Variants in SMARCAL1 observed in about 807,000 individuals in gnomAD.
SMARCAL1 encodes the protein SNF2 related chromatin remodeling annealing helicase 1, also known as ATP-driven annealing helicase.
A neutral mutation model predicts 94.5 loss-of-function variants in SMARCAL1; 58 were observed. The observed-to-expected ratio is 0.61, with a 90% CI of 0.50 to 0.76. SMARCAL1 has a LOEUF of 0.76. SMARCAL1 is among the 30% of genes least tolerant of loss of function. SMARCAL1 has a pLI of 0.00. For missense variants in SMARCAL1, 1,051 were observed against 1,177.9 expected, an observed-to-expected ratio of 0.89 and a Z score of 1.58; for synonymous variants, 422 against 455.1, an observed-to-expected ratio of 0.93 and a Z score of 0.93.
At chr2:216,419,281 GA>G (rs1693663891) in intron 4 of SMARCAL1, among the ~76,000 whole-genome samples, 1 of 152,178 alleles carries the variant, frequency 6.6e-6, no homozygotes, top group Non-Finnish European at 1.5e-5. Flanking sequence ...GATTATTTGT[GA>G]AGGTGAACAT....
rs1049571642 is a variant in SMARCAL1, at chr2:216,416,067, C to T, written c.812-190C>T. ...ACTTCCCAGGGCCTGAGTTGGATTC[C>T]ACTACATGGAATAAAAGAATTATCT... On this transcript the variant is annotated intron_variant, in intron 3 of 17. Transcript: ENST00000357276. 8.7e-6 allele frequency: 5 copies of T among 577,076 alleles called. No homozygotes were observed. The Admixed American group carries it at 1.2e-4, about 14-fold the overall frequency. 35.7% of individuals were successfully genotyped at this position (577,076 alleles called of 1,614,324 possible). A position where few individuals can be genotyped will look rare whatever the true frequency, so the allele number is the denominator to read the frequency against.
rs949949010 is a variant in SMARCAL1 at position 216,482,521 on chromosome 2, A to G, written c.2626-217A>G. Among the ~76,000 whole-genome samples the G allele has an allele frequency of 3.3e-5, 5 of 152,198 alleles. No homozygotes were observed. The highest frequency in any genetic ancestry group is 7.4e-5 in the Non-Finnish European group (5 of 68,026). ...ACAACCATTTCTTTTTCCTAACTCA[A>G]TGAGCACAGAGAGGGTAAGATGTCA... On this transcript the variant is annotated intron_variant, in intron 17 of 17. Coordinates refer to ENST00000357276, the MANE Select transcript of SMARCAL1 (RefSeq NM_014140.4). The surrounding 1 kb of genome is among the most constrained non-coding windows in gnomAD (Gnocchi z 4.3).
intron 17 of SMARCAL1, 115 bp downstream of exon 17, chr2:216,478,414 C>A: frequency 1.4e-6 from 1 of 705,632 alleles, no homozygotes; most frequent in Non-Finnish European, 2.4e-6. Context: ...CCTCCCCCAG[C>A]CTAGAGCTGA....
intron 12 of SMARCAL1, among the ~76,000 whole-genome samples, chr2:216,452,837 A>G (rs1046497633): frequency 6.6e-6 from 1 of 152,232 alleles, no homozygotes; most frequent in Non-Finnish European, 1.5e-5. Flanking sequence ...CTCTTTTCAA[A>G]GATGATTTCA....
rs190386780 is a variant in SMARCAL1, at chr2:216,482,753, A to C, written c.2641A>C (p.Lys881Gln). 528 of 1,614,232 alleles carry C rather than the reference A, an allele frequency of 3.3e-4. No homozygotes were observed. Among genetic ancestry groups the C allele is most frequent in the East Asian group, 1.9e-3 (87 of 44,886 alleles). Residue 881 changes from lysine (K) to glutamine (Q), a missense_variant, in exon 18 of 18, where the codon AAG (lysine) becomes CAG (glutamine). By Grantham distance (53) the Lys-to-Gln change is moderately conservative. This residue lies in a region of SMARCAL1 where 642 missense variants were observed against 754.7 expected (regional missense o/e 0.85). Coordinates refer to ENST00000357276, the MANE Select transcript of SMARCAL1 (RefSeq NM_014140.4). This position sits in a 1 kb window ranked among gnomAD's most constrained non-coding sequence, Gnocchi z 4.3. Reference protein sequence around the residue: ...DYLYKDPKQQKIYDLFQKSFE... With the variant: ...DYLYKDPKQQQIYDLFQKSFE... ...TCTGATGAAGGACCCAAAGCAGCAG[A>C]AGATCTACGACCTATTCCAGAAGTC... is the stretch of plus-strand genomic sequence containing the variant.
At chr2:216,431,929 G>A (rs533663442) in intron 7 of SMARCAL1, among the ~76,000 whole-genome samples, 1 of 152,218 alleles carries the variant, frequency 6.6e-6, no homozygotes, top group Non-Finnish European at 1.5e-5. Context: ...GTCTTTGCCA[G>A]CCCCTTTCTC....
At chr2:216,460,831 G>A (rs1327220922) in intron 12 of SMARCAL1, among the ~76,000 whole-genome samples, 4 of 151,866 alleles carry the variant, frequency 2.6e-5, no homozygotes, top group Non-Finnish European at 5.9e-5. Context: ...AACTTAAAGT[G>A]TAATAAAAAA....
intron 10 of SMARCAL1, among the ~76,000 whole-genome samples, chr2:216,444,629 C>A (rs1672949368): frequency 6.6e-6 from 1 of 152,188 alleles, no homozygotes; most frequent in African/African-American, 2.4e-5. Flanking sequence ...AAGTGATTCC[C>A]TGCGTCAGCC....
chr2:216,480,381 C>T (rs1037216126), intron 17 of SMARCAL1, among the ~76,000 whole-genome samples: 1 of 152,194 alleles, frequency 6.6e-6, no homozygotes, highest in African/African-American at 2.4e-5. Flanking sequence ...GAACTCGCTT[C>T]CAATTAATTA....
intron 10 of SMARCAL1, among the ~76,000 whole-genome samples, chr2:216,439,149 G>A (rs1694143105): frequency 6.6e-6 from 1 of 152,082 alleles, no homozygotes; most frequent in Admixed American, 6.5e-5. Context: ...TGCTTTGGCG[G>A]GTGTGAGTTC....
In SMARCAL1 at chr2:216,452,623, G is replaced by A. The variant is rs144816353; in HGVS notation, c.2070+1559G>A. Among the ~76,000 whole-genome samples, 157 of 148,226 alleles carry A rather than the reference G, an allele frequency of 1.1e-3. 1 individual carries two copies. Among genetic ancestry groups the A allele is most frequent in the Non-Finnish European group, 1.9e-3 (130 of 68,006 alleles). On this transcript the variant is annotated intron_variant, in intron 12 of 17. Coordinates refer to ENST00000357276, the MANE Select transcript of SMARCAL1 (RefSeq NM_014140.4). ...CTGAACCAGTTTGAGAACAGCCAAG[G>A]TAGACACCTGAAAAAGCAATTAGTG...
At chr2:216,471,931 A>C (rs1694975034) in intron 14 of SMARCAL1, among the ~76,000 whole-genome samples, 1 of 152,194 alleles carries the variant, frequency 6.6e-6, no homozygotes, top group African/African-American at 2.4e-5. Context: ...AACTTTGGAG[A>C]TCATTGAACC....
chr2:216,415,611 T>G (rs998255125), intron 3 of SMARCAL1, 96 bp downstream of exon 3: 19 of 1,135,692 alleles, frequency 1.7e-5, no homozygotes, highest in Non-Finnish European at 2.3e-5. Flanking sequence ...AGAGAGTGCA[T>G]TGGCACATGC....
intron 13 of SMARCAL1, among the ~76,000 whole-genome samples, chr2:216,467,233 G>A (rs1574478778): frequency 6.6e-6 from 1 of 152,302 alleles, no homozygotes; most frequent in East Asian, 1.9e-4. Context: ...CACTTTGGGA[G>A]GCCAAGGTGG....
chr2:216,417,245 A>G (rs1244834096), intron 4 of SMARCAL1, among the ~76,000 whole-genome samples: 2 of 152,210 alleles, frequency 1.3e-5, no homozygotes, highest in East Asian at 1.9e-4. Context: ...TTGGCCTCCA[A>G]TTCTTGAAAT....
chr2:216,478,096 C>A (rs2106089705), intron 16 of SMARCAL1, 107 bp from the exon 17 acceptor site: 1 of 935,356 alleles, frequency 1.1e-6, no homozygotes, highest in South Asian at 1.3e-5. Context: ...AGATGTGAAA[C>A]CGTAAACAAG....
intron 14 of SMARCAL1, among the ~76,000 whole-genome samples, chr2:216,474,128 C>CTTTTTTT (rs1182416023): frequency 1.5e-5 from 1 of 64,926 alleles, no homozygotes; most frequent in Non-Finnish European, 2.9e-5. Flanking sequence ...GTATAGCATT[C>CTTTTTTT]TTTTTTTTTT....
In SMARCAL1 at chr2:216,482,868, C is replaced by T. The variant is rs761583424; in HGVS notation, c.2756C>T (p.Ser919Phe). The T allele has an allele frequency of 3.7e-6, 6 of 1,614,130 alleles. No homozygotes were observed. In the South Asian group the frequency reaches 6.6e-5, roughly 18 times the overall value. The stretch of plus-strand genomic sequence containing the variant: ...GCTTCAGGAACATCTGGAAGTAGTT[C>T]CCAGAACATGGGAGACACCCTGGAT... ...GSASGTSGSS[S>F]QNMGDTLDES... The change falls in exon 18 of 18, where the codon TCC (serine) becomes TTC (phenylalanine). Residue 919 changes from serine (S) to phenylalanine (F), a missense_variant. Physicochemically the swap from Ser to Phe is radical, Grantham distance 155. This residue lies in a region of SMARCAL1 where 642 missense variants were observed against 754.7 expected (regional missense o/e 0.85). Coordinates refer to ENST00000357276, the MANE Select transcript of SMARCAL1 (RefSeq NM_014140.4). This position sits in a 1 kb window ranked among gnomAD's most constrained non-coding sequence, Gnocchi z 4.3.
chr2:216,473,012 T>C (rs1004402168), intron 14 of SMARCAL1, among the ~76,000 whole-genome samples: 1 of 152,232 alleles, frequency 6.6e-6, no homozygotes, highest in African/African-American at 2.4e-5. Context: ...AAACTTTCCA[T>C]TTTAATAGCA....
Sources: gnomAD v4.1 joint callset for allele counts (sites outside exome capture counted in the v4.1 genomes callset) on GRCh38, gnomAD v4.1.1 for gene constraint, gnomAD v4.1.1 regional missense constraint, Gnocchi (gnomAD v3.1) non-coding constraint, MANE v1.5 for transcripts, NCBI Gene and HGNC (gene_info 2026-07-23, HGNC 2026-07-21) for gene names.